MAOA: variants seen among roughly 807,000 people sequenced by gnomAD.
MAOA encodes the protein monoamine oxidase A.
MAOA carries 6 observed loss-of-function variants against 42.0 expected under a neutral mutation model. The observed-to-expected ratio is 0.14, with a 90% CI of 0.08 to 0.28. The LOEUF (loss-of-function observed/expected upper bound fraction) is 0.28. Among genes scored for constraint, MAOA ranks in the 10% least tolerant of loss-of-function variants. The probability of loss-of-function intolerance (pLI) is 1.00; values close to 1 mark genes in which losing one functional copy is unlikely to be tolerated. For missense variants in MAOA, 262 were observed against 422.3 expected, an observed-to-expected ratio of 0.62 and a Z score of 3.33; for synonymous variants, 140 against 154.0, an observed-to-expected ratio of 0.91 and a Z score of 0.67.
intron 1 of MAOA, among the ~76,000 whole-genome samples, chrX:43,680,573 C>G (rs747100369): frequency 9.0e-6 from 1 of 110,574 alleles, no homozygotes; most frequent in Non-Finnish European, 1.9e-5. Flanking sequence ...ATTCCCTCTC[C>G]TTTCTTCATT....
intron 1 of MAOA, among the ~76,000 whole-genome samples, chrX:43,662,825 A>G (rs1413275786): frequency 1.8e-5 from 2 of 109,862 alleles, no homozygotes; most frequent in Non-Finnish European, 3.8e-5. Flanking sequence ...TTTTTTTTTC[A>G]TTGTAATTAG....
intron 2 of MAOA, among the ~76,000 whole-genome samples, chrX:43,685,548 C>T (rs1178528774): frequency 8.9e-6 from 1 of 111,967 alleles, no homozygotes; most frequent in East Asian, 2.8e-4. Context: ...TTGTACCATG[C>T]TACCCTTCTG....
At chrX:43,692,000 G>GACACACACAC (rs753022851) in intron 2 of MAOA, among the ~76,000 whole-genome samples, 784 of 64,996 alleles carry the variant, frequency 0.012, 17 homozygotes, top group African/African-American at 0.043. Flanking sequence ...GCACTGTATA[G>GACACACACAC]ACACACACAC....
At chrX:43,673,955 A>G (rs1420864134) in intron 1 of MAOA, among the ~76,000 whole-genome samples, 1 of 112,952 alleles carries the variant, frequency 8.9e-6, no homozygotes, top group Non-Finnish European at 1.9e-5. Context: ...GTAGATGTCT[A>G]TTAGGTCCAC....
At chrX:43,688,388 C>T (rs1256329134) in intron 2 of MAOA, among the ~76,000 whole-genome samples, 1 of 111,999 alleles carries the variant, frequency 8.9e-6, no homozygotes, top group Non-Finnish European at 1.9e-5. Context: ...TCCAGCAATT[C>T]TCCCGCCTCA....
chrX:43,694,979 T>G (rs2033564937), intron 3 of MAOA, among the ~76,000 whole-genome samples: 1 of 112,095 alleles, frequency 8.9e-6, no homozygotes, highest in African/African-American at 3.2e-5. Flanking sequence ...ATGAACTCAT[T>G]AAATCCTTAC....
intron 1 of MAOA, among the ~76,000 whole-genome samples, chrX:43,681,880 A>AT (rs768785097): frequency 0.084 from 7,354 of 87,446 alleles, 301 homozygotes; most frequent in Middle Eastern, 0.19. Context: ...ATATATATAT[A>AT]TTTTTTTTTT....
intron 9 of MAOA, among the ~76,000 whole-genome samples, chrX:43,733,548 T>TG (rs1161271444): frequency 8.9e-6 from 1 of 112,013 alleles, no homozygotes; most frequent in Non-Finnish European, 1.9e-5. Context: ...GCCTCCCTCT[T>TG]GCCTGCCTTT....
chrX:43,733,853 A>G (rs893507767), intron 9 of MAOA, among the ~76,000 whole-genome samples: 3 of 112,152 alleles, frequency 2.7e-5, no homozygotes, highest in Non-Finnish European at 5.6e-5. Context: ...TGTAACATAT[A>G]AGAACACCAG....
At chrX:43,740,799 G>A (rs2033955203) in intron 11 of MAOA, 61 bp downstream of exon 11, 3 of 1,017,939 alleles carry the variant, frequency 2.9e-6, no homozygotes, top group Non-Finnish European at 4.1e-6. Flanking sequence ...AAGTAGTAAA[G>A]CAAAGCATAT....
At chrX:43,714,719 G>A (rs1048201998) in intron 5 of MAOA, among the ~76,000 whole-genome samples, 4 of 96,686 alleles carry the variant, frequency 4.1e-5, no homozygotes, top group Admixed American at 1.2e-4. Flanking sequence ...TGGGGGTATG[G>A]TATCTTCTAG....
At chrX:43,724,643 T>G (rs1218096169) in intron 5 of MAOA, among the ~76,000 whole-genome samples, 1 of 111,520 alleles carries the variant, frequency 9.0e-6, no homozygotes, top group Non-Finnish European at 1.9e-5. Context: ...TCACTGATAT[T>G]TTTGAAGGGT....
At chrX:43,731,600 A>G in intron 7 of MAOA, 94 bp from the exon 8 acceptor site, 2 of 954,048 alleles carry the variant, frequency 2.1e-6, no homozygotes, top group South Asian at 2.0e-5. Context: ...TTTACTGCTC[A>G]ATGTTGTTTA....
intron 5 of MAOA, 147 bp from the exon 6 acceptor site, chrX:43,728,026 C>T: frequency 1.7e-6 from 1 of 581,610 alleles, no homozygotes; most frequent in Middle Eastern, 3.3e-4. Flanking sequence ...TTAAAGAATG[C>T]ATTCCTTCAG....
intron 9 of MAOA, among the ~76,000 whole-genome samples, chrX:43,735,516 G>C (rs889313852): frequency 3.6e-5 from 4 of 112,420 alleles, no homozygotes; most frequent in African/African-American, 1.3e-4. Context: ...CAGGGAAGCT[G>C]ACTCAGAGCT....
chrX:43,705,111 A>G (rs1439726630), intron 3 of MAOA, among the ~76,000 whole-genome samples: 2 of 111,971 alleles, frequency 1.8e-5, no homozygotes, highest in Non-Finnish European at 3.8e-5. Flanking sequence ...CCTAAAATGT[A>G]TATGTAAATG....
At chrX:43,663,573 C>T (rs186651087) in intron 1 of MAOA, among the ~76,000 whole-genome samples, 6 of 111,546 alleles carry the variant, frequency 5.4e-5, no homozygotes, top group Admixed American at 2.9e-4. Flanking sequence ...GCGTAAAATA[C>T]TGACTTCCAG....
intron 11 of MAOA, among the ~76,000 whole-genome samples, 179 bp from the exon 12 acceptor site, chrX:43,741,771 C>T (rs2033961868): frequency 1.8e-5 from 2 of 112,436 alleles, no homozygotes; most frequent in Admixed American, 9.4e-5. Flanking sequence ...TGTTTTGCCA[C>T]ATGGTACTTC....
At chrX:43,742,207 T>C (rs2033965382) in intron 12 of MAOA, among the ~76,000 whole-genome samples, 160 bp downstream of exon 12, 1 of 112,840 alleles carries the variant, frequency 8.9e-6, no homozygotes, top group South Asian at 3.6e-4. Context: ...AAAATAAGGA[T>C]GTCATTACAT....
Sources: allele counts gnomAD v4.1 joint callset (sites outside exome capture counted in the v4.1 genomes callset), GRCh38; gene constraint gnomAD v4.1.1; transcripts MANE v1.5; gene names NCBI Gene and HGNC (gene_info 2026-07-23, HGNC 2026-07-21).